SORCS2: variants seen among roughly 807,000 people sequenced by gnomAD.
The protein encoded by SORCS2 is sortilin related VPS10 domain containing receptor 2.
SORCS2 carries 100 observed loss-of-function variants against 141.6 expected under a neutral mutation model. That is an observed-to-expected ratio of 0.71 (90% CI 0.60 to 0.83). The LOEUF is 0.83. Among genes scored for constraint, SORCS2 ranks in the 40% least tolerant of loss-of-function variants. The probability of loss-of-function intolerance (pLI) is 0.00; values close to 1 mark genes in which losing one functional copy is unlikely to be tolerated. For synonymous variants in SORCS2, 789 were observed against 676.9 expected, an observed-to-expected ratio of 1.17 and a Z score of -2.57; for missense variants, 1,646 against 1,560.2, an observed-to-expected ratio of 1.05 and a Z score of -0.93.
At chr4:7,520,320 A>G (rs897578269) in intron 2 of SORCS2, among the ~76,000 whole-genome samples, 23 of 152,188 alleles carry the variant, frequency 1.5e-4, no homozygotes, top group South Asian at 6.2e-4. Context: ...AAAAGGACCA[A>G]TTCTCATGCA....
chr4:7,651,450 G>C (rs1305141730), intron 4 of SORCS2, among the ~76,000 whole-genome samples: 1 of 152,210 alleles, frequency 6.6e-6, no homozygotes, highest in African/African-American at 2.4e-5. Flanking sequence ...GAGGAGGACA[G>C]ACTGCCTCCA....
intron 1 of SORCS2, among the ~76,000 whole-genome samples, chr4:7,318,512 T>G (rs889793483): frequency 3.9e-5 from 6 of 152,226 alleles, no homozygotes; most frequent in African/African-American, 1.4e-4. Context: ...ACCTGGCTCT[T>G]CCACTTGCCT....
At chr4:7,550,859 T>G (rs1281912521) in intron 3 of SORCS2, among the ~76,000 whole-genome samples, 1 of 152,236 alleles carries the variant, frequency 6.6e-6, no homozygotes, top group Non-Finnish European at 1.5e-5. Context: ...CTCTGAGCCC[T>G]TTTTCCATCT....
chr4:7,476,616 C>T (rs780673179), intron 2 of SORCS2, among the ~76,000 whole-genome samples: 5 of 152,148 alleles, frequency 3.3e-5, no homozygotes, highest in African/African-American at 9.7e-5. Context: ...TGATGAAAAG[C>T]CAAGTAGAAA....
At chr4:7,302,105 A>G (rs923290338) in intron 1 of SORCS2, among the ~76,000 whole-genome samples, 1 of 152,112 alleles carries the variant, frequency 6.6e-6, no homozygotes, top group South Asian at 2.1e-4. Flanking sequence ...ATGACACGAC[A>G]TTTTATTTTG....
At chr4:7,629,590 T>C (rs934960254) in intron 3 of SORCS2, among the ~76,000 whole-genome samples, 1 of 145,850 alleles carries the variant, frequency 6.9e-6, no homozygotes, top group African/African-American at 2.5e-5. Flanking sequence ...CGCTGATCTC[T>C]GCAGGGTCCC....
intron 3 of SORCS2, among the ~76,000 whole-genome samples, chr4:7,565,406 A>C (rs993280682): frequency 2.6e-5 from 4 of 152,180 alleles, no homozygotes; most frequent in Admixed American, 6.5e-5. Context: ...TATGAAGATG[A>C]AGATGATGAT....
chr4:7,436,807 G>A (rs998013567), intron 2 of SORCS2, among the ~76,000 whole-genome samples: 2 of 152,160 alleles, frequency 1.3e-5, no homozygotes, highest in African/African-American at 2.4e-5. Flanking sequence ...TAGAAGTAAC[G>A]CTGCCCCGAA....
intron 1 of SORCS2, among the ~76,000 whole-genome samples, chr4:7,351,927 C>T (rs1720966743): frequency 6.6e-6 from 1 of 152,164 alleles, no homozygotes; most frequent in Non-Finnish European, 1.5e-5. Context: ...TACTCAGCCA[C>T]TCATCTATCC....
chr4:7,611,904 G>A (rs1034216765), intron 3 of SORCS2, among the ~76,000 whole-genome samples: 2 of 152,244 alleles, frequency 1.3e-5, no homozygotes, highest in African/African-American at 4.8e-5. Context: ...CCCTGGCTCA[G>A]GCTCTGTGGA....
intron 1 of SORCS2, among the ~76,000 whole-genome samples, chr4:7,237,929 T>C (rs748217630): frequency 2.0e-5 from 3 of 152,080 alleles, no homozygotes; most frequent in Non-Finnish European, 4.4e-5. Flanking sequence ...TGCTTCTAAA[T>C]TAGAGAACTA....
intron 1 of SORCS2, among the ~76,000 whole-genome samples, chr4:7,379,471 T>G (rs1378951278): frequency 6.6e-6 from 1 of 152,186 alleles, no homozygotes; most frequent in African/African-American, 2.4e-5. Context: ...GTTGTGCACA[T>G]GGAAAGGCTG....
intron 3 of SORCS2, among the ~76,000 whole-genome samples, chr4:7,627,615 A>T (rs1381919089): frequency 6.6e-6 from 1 of 152,208 alleles, no homozygotes; most frequent in Non-Finnish European, 1.5e-5. Context: ...TCATTAACTC[A>T]TAATGTGCCT....
intron 3 of SORCS2, among the ~76,000 whole-genome samples, chr4:7,592,460 G>T (rs567818610): frequency 6.6e-6 from 1 of 152,276 alleles, no homozygotes; most frequent in African/African-American, 2.4e-5. Flanking sequence ...CTTCTTTCTG[G>T]CTATCTGAAC....
rs1347435158 is a variant in SORCS2 at position 7,314,335 on chromosome 4, TTTTTTATTTTTTTTTA to T, written c.481-81947_481-81932del. On this transcript the variant is annotated intron_variant, in intron 1 of 26. Coordinates refer to ENST00000507866, the MANE Select transcript of SORCS2 (RefSeq NM_020777.3). ...AGAAAATCATGGCCTTTTTTTTATT[TTTTTTATTTTTTTTTA>T]TTTTTTGAGACGGAGTCTTGCTCAG... is the stretch of plus-strand genomic sequence containing the variant. 6.7e-5 allele frequency among the ~76,000 whole-genome samples: 4 copies of T among 59,538 alleles called. 1 individual carries two copies. The highest frequency in any genetic ancestry group is 3.2e-4 in the Admixed American group (2 of 6,236). The allele number at this position is 59,538 out of a possible 152,430, so 39.1% of individuals were successfully genotyped here. A position where few individuals can be genotyped will look rare whatever the true frequency, so the allele number is the denominator to read the frequency against.
At chr4:7,498,479 T>C (rs4487341) in intron 2 of SORCS2, among the ~76,000 whole-genome samples, 147,285 of 152,308 alleles carry the variant, frequency 0.97, 71,379 homozygotes, top group East Asian at 1. Flanking sequence ...GGTGCAGAGC[T>C]GCTCTGCCAC....
In SORCS2 at chr4:7,192,730, G is replaced by A. The variant is rs980393987; in HGVS notation, c.84G>A (p.Pro28=). The part of the protein sequence containing the change: ...RAPSPGAPPP[P]RSPRSRPLLL... Reference sequence around the variant, plus strand: ...CGAGCCCCGGGGCTCCGCCGCCGCCGCGCTCGCCGCGCTCGCGGCCGCTCC... The same window carrying A: ...CGAGCCCCGGGGCTCCGCCGCCGCCACGCTCGCCGCGCTCGCGGCCGCTCC... Residue 28 remains proline (P), a synonymous_variant, in exon 1 of 27, where the codon CCG becomes CCA. Transcript: ENST00000507866. The surrounding 1 kb of genome is among the most constrained non-coding windows in gnomAD (Gnocchi z 4.0). 6.1e-6 allele frequency: 6 copies of A among 991,274 alleles called. No individual in the cohort carries two copies. Among genetic ancestry groups the A allele is most frequent in the Non-Finnish European group, 7.2e-6 (6 of 835,616 alleles). The allele number at this position is 991,274 out of a possible 1,614,324, so 61.4% of individuals were successfully genotyped here.
intron 5 of SORCS2, among the ~76,000 whole-genome samples, chr4:7,654,502 G>T (rs913141308): frequency 6.6e-6 from 1 of 152,190 alleles, no homozygotes; most frequent in Admixed American, 6.5e-5. Flanking sequence ...ATGTGGCCCT[G>T]TGCCACTGCT....
At chr4:7,361,952 C>T (rs1721610540) in intron 1 of SORCS2, among the ~76,000 whole-genome samples, 1 of 152,056 alleles carries the variant, frequency 6.6e-6, no homozygotes, top group East Asian at 1.9e-4. Context: ...CAGGAGGGGG[C>T]ATGCTCACTT....
Sources: gnomAD v4.1 joint callset for allele counts (sites outside exome capture counted in the v4.1 genomes callset) on GRCh38, gnomAD v4.1.1 for gene constraint, Gnocchi (gnomAD v3.1) non-coding constraint, MANE v1.5 for transcripts, NCBI Gene and HGNC (gene_info 2026-07-23, HGNC 2026-07-21) for gene names.